ZNF695: variants seen among roughly 807,000 people sequenced by gnomAD.
ZNF695 encodes zinc finger protein SBZF3.
ZNF695 carries 11 observed loss-of-function variants against 11.2 expected under a neutral mutation model. The observed-to-expected ratio is 0.98, with a 90% confidence interval of 0.62 to 1.62. The LOEUF (loss-of-function observed/expected upper bound fraction) is 1.62. Among genes scored for constraint, ZNF695 ranks in the 40% most tolerant of loss-of-function variants. ZNF695 has a pLI of 0.00. For missense variants in ZNF695, 559 were observed against 590.5 expected, an observed-to-expected ratio of 0.95 and a Z score of 0.55; for synonymous variants, 190 against 201.4, an observed-to-expected ratio of 0.94 and a Z score of 0.48.
At chr1:246,981,879 GT>G (rs1402646749), downstream of ZNF695, among the ~76,000 whole-genome samples, 1 of 152,182 alleles carries the variant, frequency 6.6e-6, no homozygotes, top group Admixed American at 6.5e-5. Flanking sequence ...GGCTAGCTAG[GT>G]GATTAAGAAT....
At chr1:247,003,255 T>C (rs752546168) in intron 1 of ZNF695, among the ~76,000 whole-genome samples, 2 of 152,192 alleles carry the variant, frequency 1.3e-5, no homozygotes, top group African/African-American at 4.8e-5. Flanking sequence ...ATGACATACA[T>C]GAACACCAGG....
At chr1:246,995,474 T>C (rs1360061314) in intron 3 of ZNF695, among the ~76,000 whole-genome samples, 3 of 152,114 alleles carry the variant, frequency 2.0e-5, no homozygotes, top group African/African-American at 7.2e-5. Flanking sequence ...GAAGGAACCA[T>C]GAAGAGCGCA....
At chr1:246,971,527 C>T (rs947427266) in intron 4 of ZNF695, among the ~76,000 whole-genome samples, 2 of 152,138 alleles carry the variant, frequency 1.3e-5, no homozygotes, top group Middle Eastern at 3.2e-3. Context: ...CAGGCACTGA[C>T]GCTACCGCTA....
In ZNF695 at chr1:247,007,994, C is replaced by A. The variant is rs1669591580; in HGVS notation, c.-86G>T. ...AGGGCGATGGAGCCTGCGGCAGTCA[C>A]CCGGGACTCTCCGAGAGGCAGCAGA... On this transcript the variant is annotated 5_prime_UTR_variant, in exon 1 of 4. Coordinates refer to ENST00000339986, the MANE Select transcript of ZNF695 (RefSeq NM_020394.5). 1.4e-6 allele frequency: 2 copies of A among 1,381,460 alleles called. No individual in the cohort carries two copies. Among genetic ancestry groups the A allele is most frequent in the Admixed American group, 2.5e-5 (1 of 39,606 alleles). 85.6% of individuals were successfully genotyped at this position (1,381,460 alleles called of 1,614,324 possible).
At chr1:246,992,065 G>A (rs1192267872) in intron 3 of ZNF695, among the ~76,000 whole-genome samples, 2 of 152,064 alleles carry the variant, frequency 1.3e-5, no homozygotes, top group East Asian at 3.9e-4. Context: ...TCGGGAGGCT[G>A]AGACGGGAGA....
At chr1:246,971,389 G>A (rs10924876) in intron 4 of ZNF695, among the ~76,000 whole-genome samples, 7 of 152,086 alleles carry the variant, frequency 4.6e-5, no homozygotes, top group South Asian at 2.1e-4. Context: ...TCAGGCCTCC[G>A]GATAGCTGTG....
At position 246,989,845 on chromosome 1, in the gene ZNF695, C is replaced by T. The variant is rs1297466753; in HGVS notation, c.260-1590G>A. On this transcript the variant is annotated intron_variant, in intron 3 of 3. Transcript: ENST00000339986. ...CCAGCCTAGGCAACATGGTGAAACC[C>T]ATCTCTACCAAAAATACAAAATTAG... 3.3e-5 allele frequency among the ~76,000 whole-genome samples: 5 copies of T among 152,050 alleles called. No homozygotes were observed. In the East Asian group the frequency reaches 7.7e-4, roughly 24 times the overall value.
chr1:246,974,040 A>G (rs1224144909), intron 4 of ZNF695, among the ~76,000 whole-genome samples: 4 of 152,128 alleles, frequency 2.6e-5, no homozygotes, highest in African/African-American at 7.2e-5. Context: ...TTAAGTATTA[A>G]GTATTTTTTC....
chr1:246,975,743 G>A (rs1205797407), intron 4 of ZNF695, among the ~76,000 whole-genome samples: 2 of 152,156 alleles, frequency 1.3e-5, no homozygotes, highest in Non-Finnish European at 2.9e-5. Flanking sequence ...GGTGTAAACT[G>A]AGCAGGAGAC....
chr1:246,976,328 A>G (rs1668556909), intron 4 of ZNF695, among the ~76,000 whole-genome samples: 1 of 152,242 alleles, frequency 6.6e-6, no homozygotes. Context: ...TTTTTTAATT[A>G]GCTAATTATT....
At chr1:246,995,835 A>AAAG (rs1200689767) in intron 3 of ZNF695, among the ~76,000 whole-genome samples, 3 of 147,872 alleles carry the variant, frequency 2.0e-5, no homozygotes, top group African/African-American at 7.6e-5. Context: ...AAAAAAAAAA[A>AAAG]AAGAAGCTGC....
intron 4 of ZNF695, among the ~76,000 whole-genome samples, chr1:246,969,975 T>C (rs990807100): frequency 6.6e-6 from 1 of 152,204 alleles, no homozygotes; most frequent in Non-Finnish European, 1.5e-5. Context: ...CAACATGAGA[T>C]GTGGGTGGGA....
Position 246,975,865 on chromosome 1 carries a change from G to GAGGTAA in ZNF695, c.391-8079_391-8074dup, listed in dbSNP as rs1317527371. On this transcript the variant is annotated intron_variant, in intron 4 of 5. Coordinates refer to the ZNF695 transcript ENST00000487338. Reference sequence around the variant, plus strand: ...TCTTTAAAGAGGCTAAGTCTCAAAAGAGGTAAAAGAGAAGAGAACAACTTA... The same window carrying GAGGTAA: ...TCTTTAAAGAGGCTAAGTCTCAAAAGAGGTAAAGGTAAAAGAGAAGAGAACAACTTA... 2.0e-5 allele frequency among the ~76,000 whole-genome samples: 3 copies of GAGGTAA among 151,924 alleles called. No individual in the cohort carries two copies. In the East Asian group the frequency reaches 5.8e-4, roughly 29 times the overall value.
At chr1:246,954,027 C>G (rs1667933156) in intron 5 of ZNF695, among the ~76,000 whole-genome samples, 1 of 139,840 alleles carries the variant, frequency 7.2e-6, no homozygotes. Context: ...TCTGCTAAGA[C>G]TCAACAGTGC....
At chr1:246,977,999 GT>G (rs1668612064) in intron 4 of ZNF695, among the ~76,000 whole-genome samples, 1 of 152,274 alleles carries the variant, frequency 6.6e-6, no homozygotes, top group Non-Finnish European at 1.5e-5. Context: ...AAAAACCAGT[GT>G]TTTTTAATTC....
chr1:246,961,536 T>G (rs12091757), intron 5 of ZNF695, among the ~76,000 whole-genome samples: 1 of 152,110 alleles, frequency 6.6e-6, no homozygotes, highest in African/African-American at 2.4e-5. Context: ...TCTTCATACG[T>G]ACAGGAAGGC....
rs1050606770 is a variant in ZNF695, at chr1:247,002,719, G to A, written c.4-2645C>T. Among the ~76,000 whole-genome samples, 11 of 152,182 alleles carry A rather than the reference G, an allele frequency of 7.2e-5. 1 individual carries two copies. The South Asian group carries it at 1.7e-3, about 23-fold the overall frequency. On this transcript the variant is annotated intron_variant, in intron 1 of 3. Coordinates refer to ENST00000339986, the MANE Select transcript of ZNF695 (RefSeq NM_020394.5). ...AATCACTTGAACCCAGGGGGCAGAG[G>A]TTGCGGTGAGCTGAGATCGTGTCAC...
At chr1:246,994,507 C>A (rs1415466349) in intron 3 of ZNF695, among the ~76,000 whole-genome samples, 1 of 151,612 alleles carries the variant, frequency 6.6e-6, no homozygotes, top group Non-Finnish European at 1.5e-5. Flanking sequence ...CGCCACTCCA[C>A]TCCAGCCTGG....
chr1:246,998,084 G>A (rs1453512365), intron 3 of ZNF695, among the ~76,000 whole-genome samples: 1 of 152,122 alleles, frequency 6.6e-6, no homozygotes, highest in African/African-American at 2.4e-5. Context: ...GTGTTCATTA[G>A]CTTAACTGTA....
Sources: allele counts gnomAD v4.1 joint callset (sites outside exome capture counted in the v4.1 genomes callset), GRCh38; gene constraint gnomAD v4.1.1; transcripts MANE v1.5; gene names NCBI Gene and HGNC (gene_info 2026-07-23, HGNC 2026-07-21).